Variants in CYRIB observed in about 807,000 individuals in gnomAD.
CYRIB encodes CYFIP related Rac1 interactor B.
In CYRIB, 8 loss-of-function variants were observed where a neutral mutation model predicts 44.2. The ratio of observed to expected loss-of-function variants is 0.18; its 90% CI spans 0.11 to 0.33. CYRIB has a LOEUF of 0.33. CYRIB is among the 10% of genes least tolerant of loss of function. CYRIB has a pLI of 1.00. For missense variants in CYRIB, 185 were observed against 382.8 expected (o/e 0.48, Z 4.31); for synonymous variants, 131 against 127.2 (o/e 1.03, Z -0.20).
intron 3 of CYRIB, among the ~76,000 whole-genome samples, chr8:129,875,612 C>T (rs554805201): frequency 6.6e-6 from 1 of 152,102 alleles, no homozygotes; most frequent in South Asian, 2.1e-4. Flanking sequence ...TAAATAAAAA[C>T]AAAATAAAAT....
intron 2 of CYRIB, among the ~76,000 whole-genome samples, chr8:129,969,551 T>C (rs1462060605): frequency 2.0e-5 from 3 of 152,188 alleles, no homozygotes; most frequent in Non-Finnish European, 4.4e-5. Context: ...AGCCAGCATG[T>C]TGTGTGAAAA....
At chr8:129,895,209 C>T (rs2067428947) in intron 2 of CYRIB, among the ~76,000 whole-genome samples, 1 of 151,326 alleles carries the variant, frequency 6.6e-6, no homozygotes, top group East Asian at 1.9e-4. Context: ...CATCGTGTTG[C>T]CCAGACTGGT....
chr8:129,951,787 CTT>C lies in CYRIB; in HGVS notation c.-243+19154_-243+19155del, dbSNP rs572136538. Among the ~76,000 whole-genome samples, 72 of 152,144 alleles carry C rather than the reference CTT, an allele frequency of 4.7e-4. No homozygotes were observed. In the South Asian group the frequency reaches 0.01, roughly 22 times the overall value. The stretch of plus-strand genomic sequence containing the variant: ...ATTCCCAATCTTCTTTCACCCTACT[CTT>C]TGTTTCCATAACATTTGTCACCTCC... On this transcript the variant is annotated intron_variant, in intron 2 of 14. Coordinates refer to the CYRIB transcript ENST00000401979.
At chr8:129,920,174 T>A (rs550490455) in intron 1 of CYRIB, among the ~76,000 whole-genome samples, 1 of 152,084 alleles carries the variant, frequency 6.6e-6, no homozygotes, top group Non-Finnish European at 1.5e-5. Context: ...CCTTTATCTT[T>A]AAAACATGTA....
intron 2 of CYRIB, among the ~76,000 whole-genome samples, chr8:129,882,215 C>A (rs1255542270): frequency 6.6e-6 from 1 of 152,188 alleles, no homozygotes; most frequent in Non-Finnish European, 1.5e-5. Flanking sequence ...GGAGTTTAAT[C>A]TATGGAATCA....
rs2051404970 is a variant in CYRIB at position 129,863,695 on chromosome 8, T to C, written c.196-1361A>G. Among the ~76,000 whole-genome samples the C allele has an allele frequency of 3.3e-5, 5 of 151,906 alleles. No homozygotes were observed. The South Asian group carries it at 8.3e-4, about 25-fold the overall frequency. ...GAAAATATAATCTAGAGATCCTTAA[T>C]ATAAATGACTTCTTCTATACCCAGT... is the stretch of plus-strand genomic sequence containing the variant. On this transcript the variant is annotated intron_variant, in intron 4 of 11. Transcript: ENST00000519824.
chr8:129,994,313 G>C (rs1478065669), intron 1 of CYRIB, among the ~76,000 whole-genome samples: 1 of 152,176 alleles, frequency 6.6e-6, no homozygotes, highest in Non-Finnish European at 1.5e-5. Flanking sequence ...ATCCTCAAGA[G>C]GGAACCAACC....
intron 2 of CYRIB, among the ~76,000 whole-genome samples, chr8:129,968,122 T>C (rs1193317572): frequency 6.6e-6 from 1 of 152,210 alleles, no homozygotes; most frequent in East Asian, 1.9e-4. Context: ...CAGATGATCA[T>C]AATGCCTCCT....
At chr8:130,009,234 T>C (rs1484078399) in intron 1 of CYRIB, among the ~76,000 whole-genome samples, 3 of 152,110 alleles carry the variant, frequency 2.0e-5, no homozygotes, top group African/African-American at 7.2e-5. Flanking sequence ...AAGTGTTTCA[T>C]TTTTCATAAA....
intron 1 of CYRIB, among the ~76,000 whole-genome samples, chr8:130,003,426 C>G (rs2096954806): frequency 6.6e-6 from 1 of 152,208 alleles, no homozygotes; most frequent in Non-Finnish European, 1.5e-5. Flanking sequence ...AATGCATGCA[C>G]CTTCACTGGG....
intron 10 of CYRIB, 47 bp from the exon 13 acceptor site, chr8:129,846,921 G>C (rs779115716): frequency 6.1e-6 from 7 of 1,139,528 alleles, no homozygotes; most frequent in Non-Finnish European, 8.9e-6. Flanking sequence ...TTTTTTTCAT[G>C]TAACATTCCT....
chr8:129,982,236 G>A (rs2096266185), intron 1 of CYRIB, among the ~76,000 whole-genome samples: 1 of 152,196 alleles, frequency 6.6e-6, no homozygotes, highest in Admixed American at 6.5e-5. Context: ...AGCCCTGTCT[G>A]TGCCATGCAG....
intron 1 of CYRIB, among the ~76,000 whole-genome samples, chr8:129,988,629 G>A (rs1054026504): frequency 5.3e-5 from 8 of 152,084 alleles, no homozygotes; most frequent in African/African-American, 1.7e-4. Flanking sequence ...TGTGGGCGTT[G>A]GATAAATATT....
intron 1 of CYRIB, among the ~76,000 whole-genome samples, chr8:130,000,753 G>C (rs796481873): frequency 9.9e-5 from 15 of 152,050 alleles, no homozygotes; most frequent in African/African-American, 2.7e-4. Context: ...ACAGTGGAGA[G>C]AGCCTGTAGT....
intron 2 of CYRIB, among the ~76,000 whole-genome samples, chr8:129,882,923 C>T (rs575195428): frequency 1.3e-4 from 19 of 151,840 alleles, no homozygotes; most frequent in African/African-American, 4.6e-4. Context: ...GTTGGCTGGG[C>T]GCAGTGGCTC....
chr8:130,016,389 A>T (rs1412871300), exon 1 of CYRIB: 1 of 147,248 alleles, frequency 6.8e-6, no homozygotes, highest in Non-Finnish European at 1.5e-5. Flanking sequence ...CGGGCGGGCG[A>T]GGGGAGCGCG....
At chr8:129,911,347 C>T (rs1440818181) in intron 1 of CYRIB, among the ~76,000 whole-genome samples, 1 of 152,004 alleles carries the variant, frequency 6.6e-6, no homozygotes, top group Non-Finnish European at 1.5e-5. Context: ...GCGGAAGGGA[C>T]AGAAATGAGG....
chr8:129,922,173 C>A (rs2084007181), intron 1 of CYRIB, among the ~76,000 whole-genome samples: 1 of 151,986 alleles, frequency 6.6e-6, no homozygotes, highest in African/African-American at 2.4e-5. Flanking sequence ...AAGCTGGGTT[C>A]CCACTCTCTC....
intron 4 of CYRIB, among the ~76,000 whole-genome samples, chr8:129,869,109 G>T (rs894745202): frequency 1.3e-5 from 2 of 151,122 alleles, no homozygotes; most frequent in African/African-American, 4.8e-5. Context: ...AAAAAGGCTG[G>T]GCGCGGTGGT....
Sources: allele counts gnomAD v4.1 joint callset (sites outside exome capture counted in the v4.1 genomes callset), GRCh38; gene constraint gnomAD v4.1.1; transcripts MANE v1.5; gene names NCBI Gene and HGNC (gene_info 2026-07-23, HGNC 2026-07-21).